The following PCDH15 variants were observed in gnomAD, a reference collection of about 807,000 sequenced individuals.
PCDH15 encodes protocadherin related 15.
PCDH15 carries 129 observed loss-of-function variants against 178.5 expected under a neutral mutation model. The observed-to-expected ratio is 0.72, with a 90% CI of 0.63 to 0.84. PCDH15 has a LOEUF of 0.84. Ranked by LOEUF, PCDH15 falls within the 40% of genes least tolerant of loss-of-function variation. The pLI, the probability that PCDH15 is intolerant of heterozygous loss-of-function variation, is 0.00. For missense variants in PCDH15, 2,230 were observed against 2,099.9 expected, an observed-to-expected ratio of 1.06 and a Z score of -1.21; for synonymous variants, 800 against 732.0, an observed-to-expected ratio of 1.09 and a Z score of -1.50.
chr10:53,850,045 T>C (rs1010435773), intron 28 of PCDH15, among the ~76,000 whole-genome samples: 1 of 152,046 alleles, frequency 6.6e-6, no homozygotes, highest in Non-Finnish European at 1.5e-5. Flanking sequence ...AACAATTTAC[T>C]CATATTGGGC....
At chr10:54,285,333 G>T (rs1230788167) in intron 8 of PCDH15, among the ~76,000 whole-genome samples, 2 of 150,198 alleles carry the variant, frequency 1.3e-5, no homozygotes, top group African/African-American at 2.4e-5. Context: ...TATCAGATAA[G>T]ATATTAATAT....
chr10:55,359,095 G>C (rs1281007842), intron 2 of PCDH15, among the ~76,000 whole-genome samples: 2 of 151,976 alleles, frequency 1.3e-5, no homozygotes, highest in Non-Finnish European at 2.9e-5. Flanking sequence ...CTCCTTGGGA[G>C]GCTGAAGTGG....
chr10:54,893,213 T>C (rs1418427310), intron 3 of PCDH15, among the ~76,000 whole-genome samples: 1 of 151,982 alleles, frequency 6.6e-6, no homozygotes, highest in African/African-American at 2.4e-5. Context: ...AAAAAGGAAA[T>C]TTTTAAAAAA....
chr10:54,828,235 C>G (rs1444616814), intron 3 of PCDH15, among the ~76,000 whole-genome samples: 3 of 151,580 alleles, frequency 2.0e-5, no homozygotes, highest in Non-Finnish European at 4.4e-5. Flanking sequence ...CAGGAGAGAT[C>G]ATAAGTCCTG....
At chr10:54,567,757 G>T (rs1450246489) in intron 2 of PCDH15, among the ~76,000 whole-genome samples, 1 of 152,062 alleles carries the variant, frequency 6.6e-6, no homozygotes, top group Admixed American at 6.6e-5. Flanking sequence ...GAGAGGGAGT[G>T]ATAATAAAAT....
At chr10:55,275,825 C>G (rs1210770755) in intron 1 of PCDH15, among the ~76,000 whole-genome samples, 1 of 151,030 alleles carries the variant, frequency 6.6e-6, no homozygotes, top group Admixed American at 6.6e-5. Flanking sequence ...GACTAGAATT[C>G]CATTGACTCT....
intron 3 of PCDH15, among the ~76,000 whole-genome samples, chr10:54,436,381 G>C (rs1187009531): frequency 6.6e-6 from 1 of 151,564 alleles, no homozygotes; most frequent in African/African-American, 2.4e-5. Context: ...AATGTGTTTT[G>C]GTTTACTCAT....
chr10:54,499,350 C>A (rs757403138), intron 3 of PCDH15, among the ~76,000 whole-genome samples: 3 of 152,114 alleles, frequency 2.0e-5, no homozygotes, highest in Non-Finnish European at 4.4e-5. Context: ...ACACTCCACA[C>A]AATAACAATG....
At chr10:54,275,415 C>A (rs777469335) in intron 8 of PCDH15, among the ~76,000 whole-genome samples, 9 of 151,746 alleles carry the variant, frequency 5.9e-5, no homozygotes, top group African/African-American at 2.2e-4. Flanking sequence ...AGTTAAAAGG[C>A]GGCAGATGTA....
At chr10:54,845,505 G>A (rs1425807626) in intron 3 of PCDH15, among the ~76,000 whole-genome samples, 1 of 152,240 alleles carries the variant, frequency 6.6e-6, no homozygotes, top group South Asian at 2.1e-4. Flanking sequence ...AGTGATACTA[G>A]TTAATTTACT....
chr10:54,623,277 G>A (rs1249138439), intron 2 of PCDH15, among the ~76,000 whole-genome samples: 1 of 152,066 alleles, frequency 6.6e-6, no homozygotes, highest in South Asian at 2.1e-4. Flanking sequence ...GGCGGCAGAA[G>A]CTCTGCATAC....
At chr10:54,971,766 A>G (rs760530616) in intron 2 of PCDH15, among the ~76,000 whole-genome samples, 1 of 152,254 alleles carries the variant, frequency 6.6e-6, no homozygotes, top group Non-Finnish European at 1.5e-5. Flanking sequence ...TAATTGATGT[A>G]TAATGTAAAG....
chr10:54,881,187 G>A (rs1473902511), intron 3 of PCDH15, among the ~76,000 whole-genome samples: 2 of 152,006 alleles, frequency 1.3e-5, no homozygotes, highest in African/African-American at 4.8e-5. Flanking sequence ...GGTAAAAGGA[G>A]AACATAGTTC....
At chr10:55,436,745 C>T (rs927368864) in intron 2 of PCDH15, among the ~76,000 whole-genome samples, 2 of 152,060 alleles carry the variant, frequency 1.3e-5, no homozygotes, top group African/African-American at 4.8e-5. Flanking sequence ...AATGAAAGTG[C>T]AATGTATTTA....
At chr10:54,561,980 C>CTTTTTTTTTT (rs575547228) in intron 2 of PCDH15, among the ~76,000 whole-genome samples, 6 of 75,234 alleles carry the variant, frequency 8.0e-5, no homozygotes, top group African/African-American at 1.4e-4. Flanking sequence ...CCGCACCCAG[C>CTTTTTTTTTT]TTTTTTTTTT....
chr10:54,023,309 C>T (rs370464238), intron 18 of PCDH15, 112 bp from the exon 19 acceptor site: 11 of 980,094 alleles, frequency 1.1e-5, no homozygotes, highest in African/African-American at 6.5e-5. Flanking sequence ...AATTATTTGG[C>T]CCTCTAAGGA....
intron 18 of PCDH15, among the ~76,000 whole-genome samples, chr10:54,048,452 A>T (rs577322522): frequency 4.7e-4 from 72 of 152,166 alleles, no homozygotes; most frequent in Non-Finnish European, 8.4e-4. Flanking sequence ...TGTTTCCAAG[A>T]CTTAGTCATA....
intron 2 of PCDH15, among the ~76,000 whole-genome samples, chr10:54,958,775 AT>A (rs1317870732): frequency 6.6e-6 from 1 of 151,754 alleles, no homozygotes; most frequent in Non-Finnish European, 1.5e-5. Flanking sequence ...TCAAAAAAAA[AT>A]ACCCCACTCT....
intron 2 of PCDH15, among the ~76,000 whole-genome samples, chr10:55,428,331 C>T (rs1287639423): frequency 1.3e-5 from 2 of 151,722 alleles, no homozygotes; most frequent in African/African-American, 4.8e-5. Flanking sequence ...TATCATTTTG[C>T]ATCTCTGTCA....
Sources: gnomAD v4.1 joint callset for allele counts (sites outside exome capture counted in the v4.1 genomes callset) on GRCh38, gnomAD v4.1.1 for gene constraint, MANE v1.5 for transcripts, NCBI Gene and HGNC (gene_info 2026-07-23, HGNC 2026-07-21) for gene names.